The following WARS2 variants were observed in gnomAD, a reference collection of about 807,000 sequenced individuals.
WARS2 encodes tryptophanyl tRNA synthetase 2, mitochondrial, also known as tryptophan--tRNA ligase, mitochondrial.
Under a neutral mutation model 36.5 loss-of-function variants are expected in WARS2, and 28 were observed. That is an observed-to-expected ratio of 0.77 (90% confidence interval 0.57 to 1.05). The LOEUF (loss-of-function observed/expected upper bound fraction) is 1.05. Among genes scored for constraint, WARS2 ranks in the 50% least tolerant of loss-of-function variants. The probability of loss-of-function intolerance (pLI) is 0.00; values close to 1 mark genes in which losing one functional copy is unlikely to be tolerated. For synonymous variants in WARS2, 174 were observed against 178.4 expected, an observed-to-expected ratio of 0.98 and a Z score of 0.20; for missense variants, 435 against 456.8, an observed-to-expected ratio of 0.95 and a Z score of 0.44.
chr1:119,085,540 G>C lies in WARS2; in HGVS notation c.91-8933C>G, dbSNP rs760082699. 42 of 1,610,434 alleles carry C rather than the reference G, an allele frequency of 2.6e-5. 1 individual carries two copies. The Middle Eastern group carries it at 8.3e-4, about 32-fold the overall frequency. On this transcript the variant is annotated intron_variant, in intron 1 of 5. Coordinates refer to ENST00000235521, the MANE Select transcript of WARS2 (RefSeq NM_015836.4). ...TCAGACAAACTTGGTGAGGGGGTAC[G>C]AGCCCCACAGCCCTTCTCCTGGAGC...
At chr1:119,102,220 T>G (rs1218518940) in intron 1 of WARS2, among the ~76,000 whole-genome samples, 1 of 152,222 alleles carries the variant, frequency 6.6e-6, no homozygotes, top group East Asian at 1.9e-4. Flanking sequence ...AGTAATTCCC[T>G]TGAGAAGTCT....
intron 2 of WARS2, among the ~76,000 whole-genome samples, chr1:119,057,353 C>A (rs1351476960): frequency 6.6e-6 from 1 of 150,896 alleles, no homozygotes; most frequent in East Asian, 2.0e-4. Flanking sequence ...ACCACATTGG[C>A]CAGGCTGGTG....
chr1:119,066,127 A>T (rs932705970), intron 2 of WARS2, among the ~76,000 whole-genome samples: 2 of 151,204 alleles, frequency 1.3e-5, no homozygotes, highest in African/African-American at 4.9e-5. Flanking sequence ...TGGCTATATT[A>T]AAAAAAAACA....
At chr1:119,042,176 G>T in intron 4 of WARS2, 88 bp downstream of exon 4, 3 of 1,221,870 alleles carry the variant, frequency 2.5e-6, no homozygotes, top group Non-Finnish European at 2.4e-6. Context: ...ACTTCCCCTT[G>T]CCCATGAACC....
At chr1:119,131,657 T>G (rs1656121777) in intron 1 of WARS2, among the ~76,000 whole-genome samples, 1 of 152,024 alleles carries the variant, frequency 6.6e-6, no homozygotes, top group Non-Finnish European at 1.5e-5. Flanking sequence ...GAGATGAGGT[T>G]TCACCGTGTT....
intron 2 of WARS2, among the ~76,000 whole-genome samples, chr1:119,074,285 G>C (rs1160185766): frequency 6.6e-6 from 1 of 152,224 alleles, no homozygotes; most frequent in Non-Finnish European, 1.5e-5. Context: ...GGGACAGCTA[G>C]TTTGTAGAAG....
intron 2 of WARS2, among the ~76,000 whole-genome samples, chr1:119,053,815 CAGG>C (rs766265057): frequency 5.9e-5 from 9 of 152,118 alleles, no homozygotes; most frequent in Non-Finnish European, 1.2e-4. Context: ...GAGGCCAAGG[CAGG>C]AGGATTGTTT....
intron 1 of WARS2, among the ~76,000 whole-genome samples, chr1:119,116,019 G>A (rs1230027122): frequency 1.3e-5 from 2 of 152,150 alleles, no homozygotes; most frequent in Admixed American, 6.5e-5. Flanking sequence ...AGCATTATGC[G>A]TTTGCGCTAT....
At position 119,140,615 on chromosome 1, in the gene WARS2, A is replaced by G. The variant is rs371717761; in HGVS notation, c.30T>C (p.Arg10=). Residue 10 remains arginine (R), a synonymous_variant, in exon 1 of 6, where the codon CGT becomes CGC. Transcript: ENST00000235521. The part of the protein sequence containing the change: MALHSMRKA[R]ERWSFIRALH... ...GTGCCCGGATGAAGCTCCAGCGCTC[A>G]CGCGCTTTCCGCATTGAGTGCAGCG... 1.2e-6 allele frequency: 2 copies of G among 1,613,926 alleles called. No homozygotes were observed. Among genetic ancestry groups the G allele is most frequent in the Non-Finnish European group, 8.5e-7 (1 of 1,179,878 alleles).
At chr1:119,086,153 C>G (rs1652644670) in intron 1 of WARS2, among the ~76,000 whole-genome samples, 1 of 152,170 alleles carries the variant, frequency 6.6e-6, no homozygotes, top group Non-Finnish European at 1.5e-5. Context: ...AGCAATTGCA[C>G]CCAGCCTTCA....
intron 2 of WARS2, among the ~76,000 whole-genome samples, chr1:119,075,841 ACTTTGT>A (rs2101314007): frequency 6.6e-6 from 1 of 152,314 alleles, no homozygotes; most frequent in East Asian, 1.9e-4. Context: ...ACACACTGGG[ACTTTGT>A]CTTCCAATTT....
chr1:119,085,064 C>T, intron 1 of WARS2: 1 of 727,914 alleles, frequency 1.4e-6, no homozygotes. Flanking sequence ...TCCTTTTATG[C>T]CTATGGGATT....
chr1:119,050,586 G>A (rs1204768386), intron 2 of WARS2, among the ~76,000 whole-genome samples: 1 of 151,922 alleles, frequency 6.6e-6, no homozygotes, highest in Non-Finnish European at 1.5e-5. Flanking sequence ...TATAGACAAT[G>A]TCTAAACATG....
At chr1:119,060,291 T>G (rs1650269111) in intron 2 of WARS2, among the ~76,000 whole-genome samples, 1 of 152,190 alleles carries the variant, frequency 6.6e-6, no homozygotes, top group Non-Finnish European at 1.5e-5. Flanking sequence ...GGGGCCTGCA[T>G]GGTTGTGTTC....
chr1:119,082,770 C>T (rs1387425621), intron 1 of WARS2, among the ~76,000 whole-genome samples: 1 of 152,184 alleles, frequency 6.6e-6, no homozygotes, highest in Non-Finnish European at 1.5e-5. Flanking sequence ...GTGCTCTGGC[C>T]ACCACACCAC....
At chr1:119,116,616 C>A (rs1654988696) in intron 1 of WARS2, among the ~76,000 whole-genome samples, 1 of 152,070 alleles carries the variant, frequency 6.6e-6, no homozygotes, top group Admixed American at 6.5e-5. Flanking sequence ...ACTGGGGAAC[C>A]TAAAAATCCA....
At chr1:119,061,827 C>G (rs76901125) in intron 2 of WARS2, among the ~76,000 whole-genome samples, 1 of 152,000 alleles carries the variant, frequency 6.6e-6, no homozygotes, top group African/African-American at 2.4e-5. Context: ...GATCAACAAC[C>G]TAGGTCTGTA....
In WARS2 at chr1:119,104,621, GAAA is replaced by G. The variant is rs71665951; in HGVS notation, c.91-28017_91-28015del. ...AAATACAGAATGTGATTAGTGCCATGAAAAAAAAAAAAACATGGTGAAATAACA... is the reference window on the plus strand; with the variant it reads ...AAATACAGAATGTGATTAGTGCCATGAAAAAAAAAACATGGTGAAATAACA... On this transcript the variant is annotated intron_variant, in intron 1 of 5. Transcript: ENST00000235521. Among the ~76,000 whole-genome samples, 186 of 141,360 alleles carry G rather than the reference GAAA, an allele frequency of 1.3e-3. 1 individual carries two copies. The highest frequency in any genetic ancestry group is 7.3e-3 in the Middle Eastern group (2 of 274). The allele number at this position is 141,360 out of a possible 152,430, so 92.7% of individuals were successfully genotyped here.
At chr1:119,063,113 G>A in intron 2 of WARS2, 1 of 152,942 alleles carries the variant, frequency 6.5e-6, no homozygotes, top group Non-Finnish European at 1.5e-5. Context: ...AGACTGAGGT[G>A]GTCTCAGATG....
Sources: gnomAD v4.1 joint callset for allele counts (sites outside exome capture counted in the v4.1 genomes callset) on GRCh38, gnomAD v4.1.1 for gene constraint, MANE v1.5 for transcripts, NCBI Gene and HGNC (gene_info 2026-07-23, HGNC 2026-07-21) for gene names.